The following ANO2 variants were observed in gnomAD, a reference collection of about 807,000 sequenced individuals.
ANO2 encodes anoctamin-2.
Under a neutral mutation model 124.2 loss-of-function variants are expected in ANO2, and 101 were observed. The ratio of observed to expected loss-of-function variants is 0.81; its 90% CI spans 0.69 to 0.96. The LOEUF is 0.96. ANO2 is among the 40% of genes least tolerant of loss of function. The pLI is 0.00. For missense variants in ANO2, 1,293 were observed against 1,274.5 expected (o/e 1.01, Z -0.22); for synonymous variants, 486 against 482.5 (o/e 1.01, Z -0.09).
intron 14 of ANO2, 35 bp from the exon 15 acceptor site, chr12:5,647,836 G>A (rs754627993): frequency 1.3e-6 from 2 of 1,503,722 alleles, no homozygotes; most frequent in Admixed American, 3.5e-5. Flanking sequence ...ACAATCAGGA[G>A]GCACAAATAA....
At chr12:5,798,572 AGGGCAG>A in intron 10 of ANO2, among the ~76,000 whole-genome samples, 1 of 152,174 alleles carries the variant, frequency 6.6e-6, no homozygotes, top group East Asian at 1.9e-4. Context: ...AGGTGACTTC[AGGGCAG>A]TGAGTCCACC....
At chr12:5,624,303 G>T (rs116552638) in intron 16 of ANO2, among the ~76,000 whole-genome samples, 1 of 150,984 alleles carries the variant, frequency 6.6e-6, no homozygotes, top group Non-Finnish European at 1.5e-5. Context: ...AGACAGAGGC[G>T]TATTCTGTTA....
At chr12:5,808,673 A>G (rs1001216224) in intron 7 of ANO2, among the ~76,000 whole-genome samples, 1 of 152,188 alleles carries the variant, frequency 6.6e-6, no homozygotes, top group Non-Finnish European at 1.5e-5. Context: ...ATGATGTCCA[A>G]ATGCTAAGAA....
At chr12:5,641,323 G>T (rs1591802437) in intron 15 of ANO2, among the ~76,000 whole-genome samples, 1 of 152,066 alleles carries the variant, frequency 6.6e-6, no homozygotes, top group Admixed American at 6.5e-5. Context: ...TGTATACCTA[G>T]GTAGCAAACC....
At chr12:5,857,686 A>C (rs780248587) in intron 3 of ANO2, among the ~76,000 whole-genome samples, 4 of 152,102 alleles carry the variant, frequency 2.6e-5, no homozygotes, top group South Asian at 2.1e-4. Context: ...TGAAGTGTTT[A>C]TTTAGATCCT....
At chr12:5,779,984 A>G (rs985269787) in intron 10 of ANO2, among the ~76,000 whole-genome samples, 9 of 152,216 alleles carry the variant, frequency 5.9e-5, no homozygotes, top group Non-Finnish European at 1.2e-4. Context: ...AATAATTGGG[A>G]CAACTGATTT....
chr12:5,698,454 A>G (rs9795690), intron 14 of ANO2, among the ~76,000 whole-genome samples: 18,158 of 152,264 alleles, frequency 0.12, 1,229 homozygotes, highest in African/African-American at 0.19. Context: ...GTACGTCACC[A>G]TCATCAAAGA....
intron 3 of ANO2, among the ~76,000 whole-genome samples, chr12:5,917,565 CTTTTTTTTT>C (rs1275136752): frequency 9.9e-6 from 1 of 100,632 alleles, no homozygotes; most frequent in African/African-American, 3.3e-5. Flanking sequence ...TCTCTTTTTT[CTTTTTTTTT>C]TTTTTTTTTT....
rs79261736 is a variant in ANO2, at chr12:5,795,751, T to C, written c.1055+3756A>G. The stretch of plus-strand genomic sequence containing the variant: ...TCAGCCTGGGAGCAGATATTAACTT[T>C]AGTAAAAAGACAGATTACGGCCCTG... On this transcript the variant is annotated intron_variant, in intron 10 of 24. Transcript: ENST00000682330. Among the ~76,000 whole-genome samples, 838 of 152,276 alleles carry C rather than the reference T, an allele frequency of 5.5e-3. 11 individuals are homozygous for C. Among genetic ancestry groups the C allele is most frequent in the African/African-American group, 0.019 (808 of 41,546 alleles).
chr12:5,761,653 C>T (rs1256319843), intron 10 of ANO2, among the ~76,000 whole-genome samples: 2 of 152,086 alleles, frequency 1.3e-5, no homozygotes, highest in Non-Finnish European at 2.9e-5. Context: ...GTATAAAACT[C>T]CTTTTAAAAA....
intron 10 of ANO2, among the ~76,000 whole-genome samples, chr12:5,766,296 G>T (rs997277004): frequency 1.3e-5 from 2 of 152,174 alleles, no homozygotes; most frequent in African/African-American, 4.8e-5. Flanking sequence ...ACTGGAAGCT[G>T]CCCAAGTGAT....
chr12:5,623,957 C>T (rs1945258629), intron 16 of ANO2, among the ~76,000 whole-genome samples: 1 of 152,082 alleles, frequency 6.6e-6, no homozygotes, highest in South Asian at 2.1e-4. Flanking sequence ...TGGAAATCAC[C>T]CTAGGAGAAG....
intron 4 of ANO2, among the ~76,000 whole-genome samples, chr12:5,837,163 C>G (rs1231854199): frequency 6.6e-6 from 1 of 152,174 alleles, no homozygotes; most frequent in Non-Finnish European, 1.5e-5. Flanking sequence ...AAGCCTCCCC[C>G]TCCTGCCCCT....
intron 10 of ANO2, among the ~76,000 whole-genome samples, chr12:5,760,800 C>T (rs752530988): frequency 1.3e-5 from 2 of 152,156 alleles, no homozygotes; most frequent in Non-Finnish European, 2.9e-5. Flanking sequence ...ACTCCTCCAA[C>T]TTTCCCAGAA....
At chr12:5,777,940 C>G (rs1277150311) in intron 10 of ANO2, among the ~76,000 whole-genome samples, 2 of 152,248 alleles carry the variant, frequency 1.3e-5, no homozygotes, top group African/African-American at 2.4e-5. Flanking sequence ...GACTCCACCT[C>G]TGTCCTCAGA....
At chr12:5,892,343 G>T (rs1055206817) in intron 3 of ANO2, among the ~76,000 whole-genome samples, 1 of 152,146 alleles carries the variant, frequency 6.6e-6, no homozygotes, top group African/African-American at 2.4e-5. Flanking sequence ...TCAGAAGAAT[G>T]AGTACAGCAT....
At chr12:5,691,327 C>CAAAAAAAAAAAAAAAAAAAAAAAAAAAA (rs60573302) in intron 14 of ANO2, among the ~76,000 whole-genome samples, 1 of 86,996 alleles carries the variant, frequency 1.1e-5, no homozygotes, top group African/African-American at 5.7e-5. Flanking sequence ...GACTCCATCT[C>CAAAAAAAAAAAAAAAAAAAAAAAAAAAA]AAAAAAAAAA....
chr12:5,917,876 T>C (rs1162848037), intron 3 of ANO2, among the ~76,000 whole-genome samples: 1 of 152,138 alleles, frequency 6.6e-6, no homozygotes, highest in Non-Finnish European at 1.5e-5. Context: ...GACCTGTTAT[T>C]TCCTTTTTAT....
At chr12:5,825,899 T>C (rs1290862262) in intron 7 of ANO2, among the ~76,000 whole-genome samples, 1 of 152,150 alleles carries the variant, frequency 6.6e-6, no homozygotes, top group Non-Finnish European at 1.5e-5. Flanking sequence ...CCTGCTGAGG[T>C]GCTTCCTGAA....
Sources: gnomAD v4.1 joint callset for allele counts (sites outside exome capture counted in the v4.1 genomes callset) on GRCh38, gnomAD v4.1.1 for gene constraint, MANE v1.5 for transcripts, NCBI Gene and HGNC (gene_info 2026-07-23, HGNC 2026-07-21) for gene names.